SLC43A1: variants seen among roughly 807,000 people sequenced by gnomAD.
The protein encoded by SLC43A1 is solute carrier family 43 member 1, also known as large neutral amino acids transporter small subunit 3.
Under a neutral mutation model 59.5 loss-of-function variants are expected in SLC43A1, and 31 were observed. The ratio of observed to expected loss-of-function variants is 0.52; its 90% CI spans 0.39 to 0.70. SLC43A1 has a LOEUF of 0.70. SLC43A1 is among the 30% of genes least tolerant of loss of function. The pLI, the probability that SLC43A1 is intolerant of heterozygous loss-of-function variation, is 0.00. For missense variants in SLC43A1, 598 were observed against 717.8 expected, an observed-to-expected ratio of 0.83 and a Z score of 1.91; for synonymous variants, 259 against 290.9, an observed-to-expected ratio of 0.89 and a Z score of 1.12.
At chr11:57,487,903 T>A (rs1351928270) in intron 13 of SLC43A1, among the ~76,000 whole-genome samples, 42 of 152,068 alleles carry the variant, frequency 2.8e-4, no homozygotes, top group Non-Finnish European at 2.9e-5. Context: ...GGGAACACAC[T>A]TGAGACTTCC....
chr11:57,504,532 T>C (rs2135205307), intron 2 of SLC43A1, among the ~76,000 whole-genome samples: 1 of 152,356 alleles, frequency 6.6e-6, no homozygotes, highest in East Asian at 1.9e-4. Flanking sequence ...GAGAATCCCA[T>C]TTAATCCATG....
intron 2 of SLC43A1, among the ~76,000 whole-genome samples, chr11:57,503,106 T>C (rs1944308066): frequency 1.3e-5 from 2 of 152,130 alleles, no homozygotes; most frequent in African/African-American, 2.4e-5. Context: ...TGGCAGATCC[T>C]GAGTGTTGAC....
Position 57,489,286 on chromosome 11 carries a change from C to CA in SLC43A1, c.1299dup (p.Gly434TrpfsTer120). ...AAGTTGTTGATGAGACAGGTGATGC[C>CA]AAAACCCACAAGCAGCAGGTTGGTC... On this transcript the variant is annotated frameshift_variant, in exon 12 of 15. Coordinates refer to ENST00000278426, the MANE Select transcript of SLC43A1 (RefSeq NM_003627.6). LOFTEE classifies it high-confidence loss of function. 6.2e-7 allele frequency: 1 copy of CA among 1,614,060 alleles called. No homozygotes were observed. Among genetic ancestry groups the CA allele is most frequent in the South Asian group, 1.1e-5 (1 of 91,086 alleles).
chr11:57,506,973 TA>T (rs560822225), intron 2 of SLC43A1, among the ~76,000 whole-genome samples: 57 of 152,272 alleles, frequency 3.7e-4, no homozygotes, highest in Middle Eastern at 3.4e-3. Flanking sequence ...GTGATACCCT[TA>T]TAGGTAGGTC....
chr11:57,486,332 T>A (rs1256414978), intron 14 of SLC43A1, among the ~76,000 whole-genome samples: 1 of 151,842 alleles, frequency 6.6e-6, no homozygotes. Flanking sequence ...CTGTACAAAA[T>A]TTTTTTTTAA....
chr11:57,512,497 T>A (rs1387569946), intron 2 of SLC43A1, among the ~76,000 whole-genome samples: 1 of 149,710 alleles, frequency 6.7e-6, no homozygotes, highest in Non-Finnish European at 1.5e-5. Flanking sequence ...TGAGCGAAGA[T>A]CATGCCAATG....
chr11:57,514,839 C>G lies in SLC43A1; in HGVS notation c.-14+605G>C. 1.0e-6 allele frequency: 1 copy of G among 985,572 alleles called. No individual in the cohort carries two copies. The highest frequency in any genetic ancestry group is 1.2e-6 in the Non-Finnish European group (1 of 830,078). The allele number at this position is 985,572 out of a possible 1,614,324, so 61.1% of individuals were successfully genotyped here. A position where few individuals can be genotyped will look rare whatever the true frequency, so the allele number is the denominator to read the frequency against. On this transcript the variant is annotated intron_variant, in intron 1 of 14. Coordinates refer to ENST00000278426, the MANE Select transcript of SLC43A1 (RefSeq NM_003627.6). The surrounding 1 kb of genome is among the most constrained non-coding windows in gnomAD (Gnocchi z 5.5). ...CGGAACCCGCTTGCCCCCCTCCAGC[C>G]CCGGGAGGGGGCTCGGACTTCGGCA... is the stretch of plus-strand genomic sequence containing the variant.
intron 2 of SLC43A1, among the ~76,000 whole-genome samples, chr11:57,504,017 C>T (rs1310153653): frequency 6.6e-6 from 1 of 151,890 alleles, no homozygotes; most frequent in Non-Finnish European, 1.5e-5. Flanking sequence ...CACGGTGAAA[C>T]CCCATCTCTA....
chr11:57,502,539 CAG>C (rs1944292648), intron 2 of SLC43A1, among the ~76,000 whole-genome samples: 1 of 152,088 alleles, frequency 6.6e-6, no homozygotes, highest in South Asian at 2.1e-4. Context: ...CTACATGAGA[CAG>C]GAAGTTCTCA....
chr11:57,487,277 C>A (rs1943767350), intron 13 of SLC43A1, 59 bp from the exon 14 acceptor site: 2 of 1,572,490 alleles, frequency 1.3e-6, no homozygotes, highest in Non-Finnish European at 1.7e-6. Flanking sequence ...AGGCCAGCAC[C>A]TCTCCTATCC....
chr11:57,487,373 G>C (rs2135142953), intron 13 of SLC43A1, among the ~76,000 whole-genome samples, 155 bp from the exon 14 acceptor site: 1 of 152,296 alleles, frequency 6.6e-6, no homozygotes, highest in South Asian at 2.1e-4. Context: ...CCCCAGCCTT[G>C]AGGGCAAATG....
intron 6 of SLC43A1, among the ~76,000 whole-genome samples, chr11:57,496,572 C>T (rs150072710): frequency 1.3e-5 from 2 of 152,298 alleles, no homozygotes; most frequent in East Asian, 1.9e-4. Flanking sequence ...CGGGCCTAAT[C>T]GTGTTTATCC....
At chr11:57,487,308 C>A (rs1376673067) in intron 13 of SLC43A1, 90 bp from the exon 14 acceptor site, 2 of 1,505,106 alleles carry the variant, frequency 1.3e-6, no homozygotes, top group South Asian at 2.5e-5. Flanking sequence ...ATGGTCCCCG[C>A]TGGCCAGGCA....
rs1343668889 is a variant in SLC43A1 at position 57,500,775 on chromosome 11, T to A, written c.465+4A>T. On this transcript the variant is annotated splice_donor_region_variant and intron_variant, in intron 5 of 14. Coordinates refer to ENST00000278426, the MANE Select transcript of SLC43A1 (RefSeq NM_003627.6). ...TGCTGCCAGGCCAGGCCTGTGACAC[T>A]CACCGTGAGTGAAGTGAACGTTAGG... 8 of 1,613,976 alleles carry A rather than the reference T, an allele frequency of 5.0e-6. No individual in the cohort carries two copies. Among genetic ancestry groups the A allele is most frequent in the Non-Finnish European group, 6.8e-6 (8 of 1,179,902 alleles).
At chr11:57,496,560 AC>A (rs1364244307) in intron 6 of SLC43A1, among the ~76,000 whole-genome samples, 2 of 152,202 alleles carry the variant, frequency 1.3e-5, no homozygotes, top group Non-Finnish European at 2.9e-5. Context: ...CTCTAGGTTT[AC>A]CGGGCCTAAT....
chr11:57,496,686 G>A (rs1370358406), intron 6 of SLC43A1, among the ~76,000 whole-genome samples: 3 of 152,206 alleles, frequency 2.0e-5, no homozygotes, highest in African/African-American at 7.2e-5. Context: ...ACAACTGGGG[G>A]GGTTGGGGAG....
chr11:57,499,045 G>A (rs1376817502), intron 5 of SLC43A1, among the ~76,000 whole-genome samples: 1 of 152,184 alleles, frequency 6.6e-6, no homozygotes, highest in South Asian at 2.1e-4. Context: ...CGTTTAGGCC[G>A]GGCGCAGTGG....
At chr11:57,499,149 C>G (rs1292445000) in intron 5 of SLC43A1, among the ~76,000 whole-genome samples, 2 of 152,086 alleles carry the variant, frequency 1.3e-5, no homozygotes, top group African/African-American at 4.8e-5. Flanking sequence ...ACGGTGAAAC[C>G]CCGTCTCCAC....
At position 57,485,006 on chromosome 11, in the gene SLC43A1, C is replaced by T. The variant is rs1168151039; in HGVS notation, c.*90G>A. The stretch of plus-strand genomic sequence containing the variant: ...AAATCTACGGCCATGGCTCTATGTG[C>T]ATGTTACAGGTAGAAAAGCCATATG... On this transcript the variant is annotated 3_prime_UTR_variant, in exon 15 of 15. Transcript: ENST00000278426. 1.1e-5 allele frequency: 15 copies of T among 1,367,602 alleles called. No homozygotes were observed. Among genetic ancestry groups the T allele is most frequent in the Non-Finnish European group, 5.9e-6 (6 of 1,012,200 alleles). The allele number at this position is 1,367,602 out of a possible 1,614,324, so 84.7% of individuals were successfully genotyped here.
Sources: gnomAD v4.1 joint callset for allele counts (sites outside exome capture counted in the v4.1 genomes callset) on GRCh38, gnomAD v4.1.1 for gene constraint, Gnocchi (gnomAD v3.1) non-coding constraint, MANE v1.5 for transcripts, NCBI Gene and HGNC (gene_info 2026-07-23, HGNC 2026-07-21) for gene names.